The following SSBP2 variants were observed in gnomAD, a reference collection of about 807,000 sequenced individuals.
The protein encoded by SSBP2 is single stranded DNA binding protein 2, also known as single-stranded DNA-binding protein 2.
In SSBP2, 17 loss-of-function variants were observed where a neutral mutation model predicts 61.8. The observed-to-expected ratio is 0.28, with a 90% CI of 0.19 to 0.41. SSBP2 has a LOEUF of 0.41. Among genes scored for constraint, SSBP2 ranks in the 10% least tolerant of loss-of-function variants. The pLI is 1.00. For missense variants in SSBP2, 310 were observed against 458.7 expected (o/e 0.68, Z 2.96); for synonymous variants, 139 against 141.3 (o/e 0.98, Z 0.12).
intron 1 of SSBP2, among the ~76,000 whole-genome samples, chr5:81,723,322 C>A (rs1038865524): frequency 7.9e-5 from 12 of 151,926 alleles, no homozygotes; most frequent in Admixed American, 5.9e-4. Flanking sequence ...TTCATAATGA[C>A]CAGTTAATGA....
Position 81,692,946 on chromosome 5 carries a change from C to T in SSBP2, c.63-42607G>A, listed in dbSNP as rs545674499. On this transcript the variant is annotated intron_variant, in intron 1 of 16. Transcript: ENST00000320672. ...GGAGGCCAGGTGTGGTGGCTCACGC[C>T]TGTAATCCCAGCACTTTGGGAGGCT... Among the ~76,000 whole-genome samples the T allele has an allele frequency of 9.9e-4, 151 of 152,184 alleles. 1 individual carries two copies. The highest frequency in any genetic ancestry group is 1.8e-3 in the Admixed American group (28 of 15,278).
intron 4 of SSBP2, among the ~76,000 whole-genome samples, chr5:81,562,327 C>T (rs1445370311): frequency 2.0e-5 from 3 of 152,202 alleles, no homozygotes; most frequent in Admixed American, 6.5e-5. Context: ...GTAAGATATA[C>T]ATTCTTTCAA....
Position 81,510,630 on chromosome 5 carries a change from A to G in SSBP2, c.372+2998T>C, listed in dbSNP as rs567197806. Among the ~76,000 whole-genome samples, 11 of 152,124 alleles carry G rather than the reference A, an allele frequency of 7.2e-5. No homozygotes were observed. In the South Asian group the frequency reaches 2.3e-3, roughly 32 times the overall value. ...ACAAAAATTAGCCGGGCGTGGTGGC[A>G]CATGCCTGTAATCCCAGCTACTCAG... On this transcript the variant is annotated intron_variant, in intron 5 of 16. Transcript: ENST00000320672.
intron 9 of SSBP2, among the ~76,000 whole-genome samples, chr5:81,463,937 T>C (rs1764720617): frequency 6.6e-6 from 1 of 151,708 alleles, no homozygotes; most frequent in Admixed American, 6.6e-5. Context: ...CCCAGCTCAT[T>C]TTTGTATTTT....
At chr5:81,739,255 ATCT>A (rs1050515775) in intron 1 of SSBP2, among the ~76,000 whole-genome samples, 2 of 151,436 alleles carry the variant, frequency 1.3e-5, no homozygotes, top group African/African-American at 4.9e-5. Context: ...TTCGTATTTA[ATCT>A]GCCAGATTTA....
At chr5:81,704,909 G>C (rs754144512) in intron 1 of SSBP2, among the ~76,000 whole-genome samples, 4 of 149,806 alleles carry the variant, frequency 2.7e-5, no homozygotes, top group African/African-American at 9.9e-5. Flanking sequence ...AATATTTAAC[G>C]TGTTAATCTA....
intron 4 of SSBP2, among the ~76,000 whole-genome samples, chr5:81,570,270 A>C (rs543548776): frequency 1.3e-5 from 2 of 152,362 alleles, no homozygotes; most frequent in African/African-American, 4.8e-5. Flanking sequence ...TAATGTTAAT[A>C]TAATAATTGA....
intron 4 of SSBP2, among the ~76,000 whole-genome samples, chr5:81,573,817 A>C (rs1270596142): frequency 6.6e-6 from 1 of 152,246 alleles, no homozygotes; most frequent in Non-Finnish European, 1.5e-5. Context: ...GTGGATTTAC[A>C]TAATGGAGAT....
chr5:81,712,773 C>T (rs1754887594), intron 1 of SSBP2, among the ~76,000 whole-genome samples: 1 of 148,480 alleles, frequency 6.7e-6, no homozygotes, highest in African/African-American at 2.5e-5. Flanking sequence ...CACTCTGTAA[C>T]CCAGACCGGA....
At position 81,536,352 on chromosome 5, in the gene SSBP2, T is replaced by C. The variant is rs544978778; in HGVS notation, c.283-22635A>G. ...TTTATTTTAAGCTCAGGGGTACACA[T>C]ACAGGTTTGTTAGATAGGTAAACTT... On this transcript the variant is annotated intron_variant, in intron 4 of 16. Coordinates refer to ENST00000320672, the MANE Select transcript of SSBP2 (RefSeq NM_012446.5). 3.9e-5 allele frequency among the ~76,000 whole-genome samples: 6 copies of C among 152,258 alleles called. No individual in the cohort carries two copies. In the East Asian group the frequency reaches 1.2e-3, roughly 29 times the overall value.
intron 1 of SSBP2, among the ~76,000 whole-genome samples, chr5:81,697,669 G>A (rs1300145908): frequency 6.6e-6 from 1 of 152,062 alleles, no homozygotes; most frequent in South Asian, 2.1e-4. Context: ...AAATTTTGAA[G>A]AACAAACTAA....
At chr5:81,540,791 A>C (rs1186247078) in intron 4 of SSBP2, among the ~76,000 whole-genome samples, 1 of 152,170 alleles carries the variant, frequency 6.6e-6, no homozygotes, top group African/African-American at 2.4e-5. Context: ...GGTGCTCTGA[A>C]ACCAAACTGC....
chr5:81,742,229 T>A (rs1048445533), intron 1 of SSBP2, among the ~76,000 whole-genome samples: 3 of 152,110 alleles, frequency 2.0e-5, no homozygotes, highest in African/African-American at 4.8e-5. Flanking sequence ...AATGAAAAAA[T>A]TCTGTCAAAA....
At chr5:81,653,463 A>C (rs1749932862) in intron 1 of SSBP2, among the ~76,000 whole-genome samples, 3 of 152,204 alleles carry the variant, frequency 2.0e-5, no homozygotes, top group South Asian at 4.1e-4. Context: ...ATATATACTC[A>C]GTAATGGGAT....
intron 3 of SSBP2, among the ~76,000 whole-genome samples, chr5:81,631,998 GAAGA>G (rs1240510386): frequency 6.6e-6 from 1 of 152,102 alleles, no homozygotes; most frequent in African/African-American, 2.4e-5. Context: ...AGAAAATTGG[GAAGA>G]TAGAGGGGAA....
chr5:81,492,403 C>A (rs1355516140), intron 5 of SSBP2, among the ~76,000 whole-genome samples: 1 of 152,130 alleles, frequency 6.6e-6, no homozygotes, highest in Non-Finnish European at 1.5e-5. Flanking sequence ...ACTTGGGAGG[C>A]TGAGGGAGGA....
rs1761244992 is a variant in SSBP2 at position 81,414,806 on chromosome 5, T to A, written c.*5698A>T. The A allele has an allele frequency of 1.3e-5, 2 of 151,958 alleles. No individual in the cohort carries two copies. The highest frequency in any genetic ancestry group is 2.9e-5 in the Non-Finnish European group (2 of 67,896). The allele number at this position is 151,958 out of a possible 1,614,324, so 9.4% of individuals were successfully genotyped here. ...CCCAAATAACTTTCATCAGCTGTTT[T>A]ACCACTGAAATGAAAAGTAGTCAAA... On this transcript the variant is annotated 3_prime_UTR_variant, in exon 17 of 17. Coordinates refer to ENST00000320672, the MANE Select transcript of SSBP2 (RefSeq NM_012446.5).
At chr5:81,582,059 GC>G (rs1774693119) in intron 4 of SSBP2, among the ~76,000 whole-genome samples, 1 of 152,012 alleles carries the variant, frequency 6.6e-6, no homozygotes, top group African/African-American at 2.4e-5. Context: ...AAAGTAAATA[GC>G]TTTTCCCTTG....
chr5:81,628,218 C>T (rs1747366496), intron 3 of SSBP2, among the ~76,000 whole-genome samples: 1 of 152,142 alleles, frequency 6.6e-6, no homozygotes. Context: ...ATTCACATGG[C>T]GACAGCATGG....
Sources: gnomAD v4.1 joint callset for allele counts (sites outside exome capture counted in the v4.1 genomes callset) on GRCh38, gnomAD v4.1.1 for gene constraint, MANE v1.5 for transcripts, NCBI Gene and HGNC (gene_info 2026-07-23, HGNC 2026-07-21) for gene names.